Variants in DIP2C observed in about 807,000 individuals in gnomAD.
The protein encoded by DIP2C is disco-interacting protein 2 homolog C.
DIP2C carries 33 observed loss-of-function variants against 192.4 expected under a neutral mutation model. The ratio of observed to expected loss-of-function variants is 0.17; its 90% CI spans 0.13 to 0.23. The LOEUF is 0.23. Among genes scored for constraint, DIP2C ranks in the 10% least tolerant of loss-of-function variants. The pLI, the probability that DIP2C is intolerant of heterozygous loss-of-function variation, is 1.00. For synonymous variants in DIP2C, 979 were observed against 864.1 expected (o/e 1.13, Z -2.33); for missense variants, 1,537 against 2,110.1 (o/e 0.73, Z 5.32).
At chr10:453,587 G>C (rs1969032383) in intron 3 of DIP2C, among the ~76,000 whole-genome samples, 1 of 152,206 alleles carries the variant, frequency 6.6e-6, no homozygotes, top group African/African-American at 2.4e-5. Context: ...CTTAGGGAGA[G>C]GCTAGGAAGT....
intron 32 of DIP2C, among the ~76,000 whole-genome samples, chr10:306,389 G>A (rs1956321235): frequency 6.6e-6 from 1 of 152,176 alleles, no homozygotes; most frequent in Non-Finnish European, 1.5e-5. Context: ...GTCTTCCTCT[G>A]TAGGCCGTCT....
At position 388,090 on chromosome 10, in the gene DIP2C, CT is replaced by C. The variant is rs374787994; in HGVS notation, c.1598-282del. Among the ~76,000 whole-genome samples the C allele has an allele frequency of 2.7e-3, 414 of 151,508 alleles. 1 individual carries two copies. The highest frequency in any genetic ancestry group is 9.8e-3 in the African/African-American group (400 of 40,948). ...TCCTTCTCCTTTTATATATTTCCCCCTCTCTGCCTTTTTCTTTAAAAGATTT... is the reference window on the plus strand; with the variant it reads ...TCCTTCTCCTTTTATATATTTCCCCCCTCTGCCTTTTTCTTTAAAAGATTT... On this transcript the variant is annotated intron_variant, in intron 13 of 36. Coordinates refer to ENST00000280886, the MANE Select transcript of DIP2C (RefSeq NM_014974.3).
Position 461,430 on chromosome 10 carries a change from AG to A in DIP2C, c.268+11008del, listed in dbSNP as rs541106513. Among the ~76,000 whole-genome samples the A allele has an allele frequency of 2.2e-4, 34 of 152,366 alleles. No homozygotes were observed. In the South Asian group the frequency reaches 5.2e-3, roughly 23 times the overall value. On this transcript the variant is annotated intron_variant, in intron 3 of 36. Transcript: ENST00000280886. ...ACTTTAAACCAACAAAGATCAAAAA[AG>A]ACAAAGAAGGGCATTACACAATGGC...
Position 650,656 on chromosome 10 carries a change from A to T in DIP2C, c.85+38838T>A. 7 of 619,174 alleles carry T rather than the reference A, an allele frequency of 1.1e-5. No homozygotes were observed. The South Asian group carries it at 1.2e-4, about 10-fold the overall frequency. The allele number at this position is 619,174 out of a possible 1,614,324, so 38.4% of individuals were successfully genotyped here. On this transcript the variant is annotated intron_variant, in intron 1 of 36. Coordinates refer to ENST00000280886, the MANE Select transcript of DIP2C (RefSeq NM_014974.3). Reference sequence around the variant, plus strand: ...GCCGGAGGCGGGGAAGCCATTCCACAGCACGTGAGCTGGCAAGGGGCCTCC... The same window carrying T: ...GCCGGAGGCGGGGAAGCCATTCCACTGCACGTGAGCTGGCAAGGGGCCTCC...
chr10:686,919 G>A (rs1331852144), intron 1 of DIP2C, among the ~76,000 whole-genome samples: 1 of 152,242 alleles, frequency 6.6e-6, no homozygotes. Context: ...AGGAACCTCA[G>A]GGGAATGCTC....
At chr10:668,128 C>T (rs1211439587) in intron 1 of DIP2C, 1 of 151,262 alleles carries the variant, frequency 6.6e-6, no homozygotes, top group Non-Finnish European at 1.5e-5. Flanking sequence ...ACACAACATA[C>T]AACATATACA....
At chr10:479,261 A>G (rs947331148) in intron 2 of DIP2C, among the ~76,000 whole-genome samples, 4 of 148,872 alleles carry the variant, frequency 2.7e-5, no homozygotes, top group Admixed American at 1.3e-4. Context: ...GGATGGGAAC[A>G]TCATACAATG....
chr10:332,921 G>A (rs1957567570), intron 29 of DIP2C, among the ~76,000 whole-genome samples: 1 of 152,118 alleles, frequency 6.6e-6, no homozygotes, highest in African/African-American at 2.4e-5. Context: ...TTTTATTGTT[G>A]AGACAGAGTC....
chr10:278,650 A>T (rs1371809504), intron 36 of DIP2C, among the ~76,000 whole-genome samples: 1 of 152,246 alleles, frequency 6.6e-6, no homozygotes, highest in Non-Finnish European at 1.5e-5. Context: ...ATGTGCAGGG[A>T]AAAGTCTTCT....
intron 1 of DIP2C, among the ~76,000 whole-genome samples, chr10:681,904 C>G (rs1390944054): frequency 6.6e-6 from 1 of 152,202 alleles, no homozygotes; most frequent in Admixed American, 6.5e-5. Flanking sequence ...GAGGGCCCCC[C>G]AACACTCACC....
intron 1 of DIP2C, among the ~76,000 whole-genome samples, chr10:633,421 G>A (rs979572908): frequency 6.6e-6 from 1 of 152,110 alleles, no homozygotes; most frequent in Non-Finnish European, 1.5e-5. Context: ...AGTCCGAGGC[G>A]GTGCTGCAGA....
At chr10:374,958 C>T (rs575732371) in intron 17 of DIP2C, among the ~76,000 whole-genome samples, 1 of 152,344 alleles carries the variant, frequency 6.6e-6, no homozygotes, top group East Asian at 1.9e-4. Context: ...CTTTGTGTGT[C>T]TCATGAAGAA....
At chr10:454,587 C>T (rs1289495893) in intron 3 of DIP2C, among the ~76,000 whole-genome samples, 1 of 120,864 alleles carries the variant, frequency 8.3e-6, no homozygotes, top group African/African-American at 5.9e-5. Flanking sequence ...GTCATTATTG[C>T]AATGAGATAT....
In DIP2C at chr10:525,774, G is replaced by A. The variant is rs182035826; in HGVS notation, c.86-39244C>T. On this transcript the variant is annotated intron_variant, in intron 1 of 36. Coordinates refer to ENST00000280886, the MANE Select transcript of DIP2C (RefSeq NM_014974.3). Reference sequence around the variant, plus strand: ...GTGCAGGTGACTCAGCTAACCCTGCGATGGCCAGGCATCTCAATGAGACAG... The same window carrying A: ...GTGCAGGTGACTCAGCTAACCCTGCAATGGCCAGGCATCTCAATGAGACAG... 7.2e-5 allele frequency among the ~76,000 whole-genome samples: 11 copies of A among 152,144 alleles called. 1 individual carries two copies. Among genetic ancestry groups the A allele is most frequent in the African/African-American group, 1.4e-4 (6 of 41,434 alleles).
chr10:281,097 C>T, intron 36 of DIP2C, 103 bp downstream of exon 36: 3 of 1,511,914 alleles, frequency 2.0e-6, no homozygotes, highest in Non-Finnish European at 2.7e-6. Context: ...CACCCCCTTC[C>T]CTACCTTAAC....
chr10:448,145 TG>T (rs1968456230), intron 3 of DIP2C, among the ~76,000 whole-genome samples: 1 of 121,866 alleles, frequency 8.2e-6, no homozygotes, highest in African/African-American at 4.7e-5. Context: ...TCACACACAG[TG>T]GGGCAGCAGG....
intron 1 of DIP2C, among the ~76,000 whole-genome samples, chr10:572,467 C>A (rs1193907649): frequency 6.6e-6 from 1 of 152,194 alleles, no homozygotes; most frequent in Non-Finnish European, 1.5e-5. Context: ...GTTGATGACA[C>A]TCTCTCAATA....
At chr10:455,325 A>G (rs1327062758) in intron 3 of DIP2C, among the ~76,000 whole-genome samples, 67 of 139,476 alleles carry the variant, frequency 4.8e-4, no homozygotes, top group Non-Finnish European at 6.6e-4. Context: ...GCCTGAGGGG[A>G]GACCGTGAGG....
At chr10:556,519 C>T (rs559729994) in intron 1 of DIP2C, among the ~76,000 whole-genome samples, 1 of 150,922 alleles carries the variant, frequency 6.6e-6, no homozygotes, top group Non-Finnish European at 1.5e-5. Context: ...TTTGGAGGTT[C>T]CTCAGCAAAC....
Sources: gnomAD v4.1 joint callset for allele counts (sites outside exome capture counted in the v4.1 genomes callset) on GRCh38, gnomAD v4.1.1 for gene constraint, MANE v1.5 for transcripts, NCBI Gene and HGNC (gene_info 2026-07-23, HGNC 2026-07-21) for gene names.